EPB41: variants seen among roughly 807,000 people sequenced by gnomAD.
The protein encoded by EPB41 is protein 4.1.
A neutral mutation model predicts 108.0 loss-of-function variants in EPB41; 65 were observed. The observed-to-expected ratio is 0.60, with a 90% CI of 0.49 to 0.74. The LOEUF is 0.74. Ranked by LOEUF, EPB41 falls within the 30% of genes least tolerant of loss-of-function variation. The pLI is 0.00. For synonymous variants in EPB41, 336 were observed against 358.9 expected (o/e 0.94, Z 0.72); for missense variants, 875 against 1,037.0 (o/e 0.84, Z 2.15).
At chr1:29,004,926 T>TA (rs1196946686) in intron 4 of EPB41, among the ~76,000 whole-genome samples, 1 of 152,162 alleles carries the variant, frequency 6.6e-6, no homozygotes, top group Non-Finnish European at 1.5e-5. Flanking sequence ...ATAAATCTCT[T>TA]ATGTGTATGC....
chr1:28,994,164 AT>A (rs1054321434), intron 3 of EPB41, among the ~76,000 whole-genome samples: 4 of 148,282 alleles, frequency 2.7e-5, no homozygotes, highest in South Asian at 2.1e-4. Flanking sequence ...CAAGTTGACA[AT>A]TTTTTTTTTG....
At chr1:29,044,500 C>G (rs1243277166) in intron 11 of EPB41, among the ~76,000 whole-genome samples, 4 of 151,944 alleles carry the variant, frequency 2.6e-5, no homozygotes, top group Non-Finnish European at 5.9e-5. Context: ...GATGTATGGT[C>G]TTAACTTTTC....
intron 4 of EPB41, among the ~76,000 whole-genome samples, chr1:29,006,498 G>C (rs1216483156): frequency 6.6e-6 from 1 of 151,972 alleles, no homozygotes; most frequent in Non-Finnish European, 1.5e-5. Flanking sequence ...GGGCCTGCCA[G>C]AGTGCTGGGA....
At chr1:28,998,463 G>A (rs181992681) in intron 4 of EPB41, among the ~76,000 whole-genome samples, 1 of 152,268 alleles carries the variant, frequency 6.6e-6, no homozygotes, top group African/African-American at 2.4e-5. Flanking sequence ...TCTCCAAGAT[G>A]ATTTCAGTTT....
chr1:29,028,060 G>A (rs1234035718), intron 7 of EPB41, among the ~76,000 whole-genome samples: 1 of 151,970 alleles, frequency 6.6e-6, no homozygotes, highest in African/African-American at 2.4e-5. Flanking sequence ...CCTACCTCAG[G>A]TGATCCGCCT....
chr1:29,041,613 G>A (rs1572936609), intron 11 of EPB41: 2 of 151,832 alleles, frequency 1.3e-5, no homozygotes, highest in East Asian at 3.9e-4. Context: ...ATGTTGTTAT[G>A]TGCATATATA....
At chr1:28,968,962 C>T (rs1329753353) in intron 1 of EPB41, among the ~76,000 whole-genome samples, 1 of 135,156 alleles carries the variant, frequency 7.4e-6, no homozygotes, top group Non-Finnish European at 1.5e-5. Context: ...GATACTCTGC[C>T]TCCAAAACCC....
chr1:28,960,808 G>A (rs1270208317), intron 1 of EPB41, among the ~76,000 whole-genome samples: 1 of 151,832 alleles, frequency 6.6e-6, no homozygotes, highest in Non-Finnish European at 1.5e-5. Context: ...CGAGGCGGGT[G>A]GATCACCTGA....
chr1:29,100,967 G>A (rs1377154906), intron 17 of EPB41, among the ~76,000 whole-genome samples: 1 of 151,350 alleles, frequency 6.6e-6, no homozygotes. Flanking sequence ...GCTCACGCCT[G>A]TAAACCCAAT....
At chr1:29,019,295 G>A (rs970401401) in intron 7 of EPB41, among the ~76,000 whole-genome samples, 1 of 152,070 alleles carries the variant, frequency 6.6e-6, no homozygotes, top group African/African-American at 2.4e-5. Flanking sequence ...GCACTCCTGT[G>A]GCAAGTAGCT....
Position 29,015,698 on chromosome 1 carries a change from C to T in EPB41, c.836C>T (p.Pro279Leu). 6.2e-7 allele frequency: 1 copy of T among 1,604,778 alleles called. No homozygotes were observed. The highest frequency in any genetic ancestry group is 8.5e-7 in the Non-Finnish European group (1 of 1,172,252). ...KEIKKQVRGVPWNFTFNVKFY... is the reference protein window; with the variant it reads ...KEIKKQVRGVLWNFTFNVKFY... Reference sequence around the variant, plus strand: ...TTTGTGTTTATTTTTATAGGTGTCCCTTGGAATTTTACATTTAATGTAAAG... The same window carrying T: ...TTTGTGTTTATTTTTATAGGTGTCCTTTGGAATTTTACATTTAATGTAAAG... The change falls in exon 6 of 21, where the codon CCT becomes CTT. Residue 279 changes from proline (P) to leucine (L), a missense_variant. Physicochemically the swap from Pro to Leu is moderately conservative, Grantham distance 98. Around this residue, in one of 3 missense-constraint regions of EPB41, gnomAD observed 353 missense variants for 393.2 expected, o/e 0.90. Coordinates refer to ENST00000343067, the MANE Select transcript of EPB41 (RefSeq NM_001376013.1).
At chr1:28,905,100 G>A (rs203288) in intron 1 of EPB41, among the ~76,000 whole-genome samples, 18,101 of 150,932 alleles carry the variant, frequency 0.12, 1,484 homozygotes, top group African/African-American at 0.24. Context: ...TTGGGAGGCT[G>A]AGGCATGAGA....
chr1:29,110,993 C>G (rs907134151), intron 18 of EPB41, among the ~76,000 whole-genome samples: 1 of 151,960 alleles, frequency 6.6e-6, no homozygotes, highest in Admixed American at 6.6e-5. Context: ...ATGGCGAAAC[C>G]CCATCTCTAC....
chr1:28,905,177 C>A (rs538567681), intron 1 of EPB41, among the ~76,000 whole-genome samples: 1 of 150,122 alleles, frequency 6.7e-6, no homozygotes, highest in African/African-American at 2.5e-5. Context: ...CCAGCCGGGG[C>A]GACAGAGCAA....
chr1:28,929,225 T>G (rs2093605327), intron 1 of EPB41, among the ~76,000 whole-genome samples: 1 of 151,774 alleles, frequency 6.6e-6, no homozygotes, highest in African/African-American at 2.4e-5. Flanking sequence ...ATTTTAATTT[T>G]TACTATTTTT....
In EPB41 at chr1:29,107,969, C is replaced by T. The variant is rs1397711846; in HGVS notation, c.2314-1367C>T. ...GCTTAAACCCAGGAGGTGGAGGTTT[C>T]GGTGAGCTGAGATCACGCCACTACT... On this transcript the variant is annotated intron_variant, in intron 17 of 20. Coordinates refer to ENST00000343067, the MANE Select transcript of EPB41 (RefSeq NM_001376013.1). 9.8e-5 allele frequency among the ~76,000 whole-genome samples: 13 copies of T among 132,704 alleles called. 1 individual carries two copies. The highest frequency in any genetic ancestry group is 7.5e-4 in the South Asian group (3 of 4,004). 87.1% of individuals were successfully genotyped at this position (132,704 alleles called of 152,430 possible). A position where few individuals can be genotyped will look rare whatever the true frequency, so the allele number is the denominator to read the frequency against.
At position 28,904,886 on chromosome 1, in the gene EPB41, C is replaced by T. The variant is rs543337269; in HGVS notation, c.-8+17676C>T. Among the ~76,000 whole-genome samples the T allele has an allele frequency of 7.2e-5, 11 of 152,104 alleles. 1 individual carries two copies. Among genetic ancestry groups the T allele is most frequent in the Non-Finnish European group, 1.3e-4 (9 of 67,984 alleles). On this transcript the variant is annotated intron_variant, in intron 1 of 16. Coordinates refer to the EPB41 transcript ENST00000347529. ...ATCTCTAAAAATACAAAAAAATTAGCTGGGCATGGTGGGGGGCGCCTGTAG... is the reference window on the plus strand; with the variant it reads ...ATCTCTAAAAATACAAAAAAATTAGTTGGGCATGGTGGGGGGCGCCTGTAG...
At chr1:28,926,388 A>G (rs976318040) in intron 1 of EPB41, among the ~76,000 whole-genome samples, 7 of 152,206 alleles carry the variant, frequency 4.6e-5, no homozygotes, top group Non-Finnish European at 8.8e-5. Context: ...TTTGCATTTA[A>G]TCTTCACCAC....
intron 11 of EPB41, among the ~76,000 whole-genome samples, chr1:29,045,152 T>A (rs1642788313): frequency 6.6e-6 from 1 of 152,220 alleles, no homozygotes; most frequent in South Asian, 2.1e-4. Context: ...TTAATACTTT[T>A]ATTGGGATTT....
Sources: gnomAD v4.1 joint callset for allele counts (sites outside exome capture counted in the v4.1 genomes callset) on GRCh38, gnomAD v4.1.1 for gene constraint, gnomAD v4.1.1 regional missense constraint, MANE v1.5 for transcripts, NCBI Gene and HGNC (gene_info 2026-07-23, HGNC 2026-07-21) for gene names.